Variants in GABRG3 observed in about 807,000 individuals in gnomAD.
The protein encoded by GABRG3 is gamma-aminobutyric acid type A receptor subunit gamma3, also known as gamma-aminobutyric acid receptor subunit gamma-3.
Under a neutral mutation model 48.8 loss-of-function variants are expected in GABRG3, and 25 were observed. The observed-to-expected ratio is 0.51, with a 90% CI of 0.37 to 0.72. The LOEUF (loss-of-function observed/expected upper bound fraction) is 0.72. Among genes scored for constraint, GABRG3 ranks in the 30% least tolerant of loss-of-function variants. The pLI, the probability that GABRG3 is intolerant of heterozygous loss-of-function variation, is 0.00. For missense variants in GABRG3, 394 were observed against 577.9 expected (o/e 0.68, Z 3.26); for synonymous variants, 227 against 217.6 (o/e 1.04, Z -0.38).
chr15:27,047,308 G>A (rs910465128), intron 3 of GABRG3, among the ~76,000 whole-genome samples: 3 of 152,092 alleles, frequency 2.0e-5, no homozygotes, highest in African/African-American at 4.8e-5. Context: ...TGTCACCCTC[G>A]CAGGTCTCAT....
chr15:27,069,407 TG>T (rs1896790161), intron 3 of GABRG3, among the ~76,000 whole-genome samples: 1 of 152,214 alleles, frequency 6.6e-6, no homozygotes, highest in East Asian at 1.9e-4. Flanking sequence ...GGGCCCACAA[TG>T]AATGAGTTAC....
intron 3 of GABRG3, among the ~76,000 whole-genome samples, chr15:27,055,335 G>A (rs1488344679): frequency 2.0e-5 from 3 of 152,316 alleles, no homozygotes; most frequent in Admixed American, 6.5e-5. Flanking sequence ...TCTGTAACTC[G>A]GGGAAATTAG....
intron 3 of GABRG3, among the ~76,000 whole-genome samples, chr15:27,300,419 T>A (rs1892156904): frequency 6.6e-6 from 1 of 151,994 alleles, no homozygotes; most frequent in Non-Finnish European, 1.5e-5. Context: ...ATCCCAGAAC[T>A]TTGGGAAGCC....
chr15:27,262,238 G>A (rs569459927), intron 3 of GABRG3, among the ~76,000 whole-genome samples: 4 of 152,326 alleles, frequency 2.6e-5, no homozygotes, highest in African/African-American at 7.2e-5. Flanking sequence ...GCGCATTTGC[G>A]TCTGTTTGCT....
chr15:27,118,922 A>T (rs909570631), intron 3 of GABRG3, among the ~76,000 whole-genome samples: 4 of 152,184 alleles, frequency 2.6e-5, no homozygotes, highest in African/African-American at 9.7e-5. Context: ...ATCAGTACAC[A>T]CTGCCCCAAA....
chr15:27,158,485 A>G (rs1322703389), intron 3 of GABRG3: 2 of 152,172 alleles, frequency 1.3e-5, no homozygotes, highest in Admixed American at 1.3e-4. Context: ...CTCTCAAATT[A>G]TACTTATAAA....
At chr15:27,333,814 A>T (rs1295778736) in intron 5 of GABRG3, among the ~76,000 whole-genome samples, 1 of 152,218 alleles carries the variant, frequency 6.6e-6, no homozygotes, top group Non-Finnish European at 1.5e-5. Flanking sequence ...ACATTTCACT[A>T]AAAGGAAAAA....
chr15:27,126,398 G>A (rs780247825), intron 3 of GABRG3, among the ~76,000 whole-genome samples: 4 of 152,042 alleles, frequency 2.6e-5, no homozygotes, highest in South Asian at 2.1e-4. Flanking sequence ...ACTTGCATTC[G>A]GTCCTCAATC....
At chr15:27,301,248 A>C (rs1892195895) in intron 3 of GABRG3, among the ~76,000 whole-genome samples, 1 of 152,142 alleles carries the variant, frequency 6.6e-6, no homozygotes, top group Non-Finnish European at 1.5e-5. Context: ...ACTATATATA[A>C]TTTAGTTTTG....
chr15:27,039,760 C>T (rs930281787), intron 3 of GABRG3, among the ~76,000 whole-genome samples: 3 of 152,200 alleles, frequency 2.0e-5, no homozygotes, highest in Non-Finnish European at 4.4e-5. Context: ...GAGGCCTGTG[C>T]TAAAGTAAAT....
intron 3 of GABRG3, among the ~76,000 whole-genome samples, chr15:27,145,509 C>T (rs1898181989): frequency 6.6e-6 from 1 of 152,012 alleles, no homozygotes; most frequent in Admixed American, 6.6e-5. Flanking sequence ...TATCCAGTCT[C>T]AGCAACATAA....
intron 2 of GABRG3, among the ~76,000 whole-genome samples, chr15:27,002,687 T>C (rs1046500341): frequency 2.1e-5 from 3 of 141,756 alleles, no homozygotes; most frequent in African/African-American, 5.3e-5. Flanking sequence ...GGCAGTAGGA[T>C]TGCTTAAGGC....
intron 4 of GABRG3, 77 bp downstream of exon 4, chr15:27,327,106 C>A (rs961311997): frequency 8.7e-6 from 11 of 1,267,446 alleles, no homozygotes; most frequent in South Asian, 1.3e-5. Context: ...AGGAATGAGA[C>A]CCTATTTTCA....
At chr15:27,078,445 T>A (rs8040102) in intron 3 of GABRG3, among the ~76,000 whole-genome samples, 19 of 152,202 alleles carry the variant, frequency 1.2e-4, no homozygotes, top group African/African-American at 4.6e-4. Flanking sequence ...AGTTTTTAGC[T>A]CTTCTATATG....
chr15:27,178,057 G>A (rs887550617), intron 3 of GABRG3, among the ~76,000 whole-genome samples: 1 of 152,126 alleles, frequency 6.6e-6, no homozygotes, highest in South Asian at 2.1e-4. Flanking sequence ...ATTGAGGGGG[G>A]TCAGATACCC....
chr15:27,307,200 TAC>T (rs886809985), intron 3 of GABRG3, among the ~76,000 whole-genome samples: 2 of 138,602 alleles, frequency 1.4e-5, no homozygotes, highest in African/African-American at 2.6e-5. Context: ...TATATTATAA[TAC>T]AAACATGTTT....
chr15:27,524,263 A>T (rs1891224039), intron 7 of GABRG3, among the ~76,000 whole-genome samples: 1 of 152,108 alleles, frequency 6.6e-6, no homozygotes, highest in Non-Finnish European at 1.5e-5. Flanking sequence ...GTCAACCCAG[A>T]ATTCTATACC....
chr15:27,124,997 T>C (rs12901874), intron 3 of GABRG3, among the ~76,000 whole-genome samples: 5 of 152,206 alleles, frequency 3.3e-5, no homozygotes, highest in African/African-American at 9.6e-5. Flanking sequence ...CTTACTGCTG[T>C]GTGGGATTAT....
chr15:27,280,628 T>A (rs1032753460), intron 3 of GABRG3, among the ~76,000 whole-genome samples: 4 of 152,242 alleles, frequency 2.6e-5, no homozygotes, highest in Non-Finnish European at 5.9e-5. Flanking sequence ...TTCCAAATGT[T>A]AGCAAACTTT....
Sources: gnomAD v4.1 joint callset for allele counts (sites outside exome capture counted in the v4.1 genomes callset) on GRCh38, gnomAD v4.1.1 for gene constraint, MANE v1.5 for transcripts, NCBI Gene and HGNC (gene_info 2026-07-23, HGNC 2026-07-21) for gene names.